The following PADI6 variants were observed in gnomAD, a reference collection of about 807,000 sequenced individuals.
The protein encoded by PADI6 is inactive protein-arginine deiminase type-6.
A neutral mutation model predicts 78.2 loss-of-function variants in PADI6; 66 were observed. The ratio of observed to expected loss-of-function variants is 0.84; its 90% CI spans 0.69 to 1.04. PADI6 has a LOEUF of 1.04. Among genes scored for constraint, PADI6 ranks in the 50% least tolerant of loss-of-function variants. PADI6 has a pLI of 0.00. For synonymous variants in PADI6, 397 were observed against 346.9 expected (o/e 1.14, Z -1.60); for missense variants, 854 against 866.1 (o/e 0.99, Z 0.18).
intron 14 of PADI6, 32 bp from the exon 15 acceptor site, chr1:17,398,651 CCCG>C: frequency 9.9e-6 from 1 of 100,850 alleles, no homozygotes; most frequent in Non-Finnish European, 1.9e-5. Context: ...TCCTTGCTCC[CCCG>C]CCCCCCCCCC....
intron 3 of PADI6, among the ~76,000 whole-genome samples, chr1:17,375,984 T>C (rs1347457121): frequency 1.3e-5 from 2 of 151,848 alleles, no homozygotes; most frequent in South Asian, 2.1e-4. Flanking sequence ...ACTTTTTTTT[T>C]CTTTTTTTTC....
At chr1:17,388,215 A>T (rs2762894) in intron 6 of PADI6, among the ~76,000 whole-genome samples, 166 bp from the exon 7 acceptor site, 1 of 152,068 alleles carries the variant, frequency 6.6e-6, no homozygotes, top group Non-Finnish European at 1.5e-5. Context: ...GTTGTCTACC[A>T]AGACCTGAAT....
intron 14 of PADI6, 116 bp from the exon 15 acceptor site, chr1:17,398,570 G>A (rs575302454): frequency 5.9e-5 from 38 of 642,712 alleles, no homozygotes; most frequent in South Asian, 2.6e-4. Flanking sequence ...AAGTGATGGG[G>A]ATGGTAGTGG....
Position 17,395,031 on chromosome 1 carries a change from C to G in PADI6, c.1418C>G (p.Ser473Ter). The change falls in exon 12 of 16, where the codon TCA becomes TGA. Residue 473 changes from serine (S) to a stop codon, truncating the protein, a stop_gained. Transcript: ENST00000619609. LOFTEE classifies it high-confidence loss of function. ...QQVQAPVELY[S>*]DWLMTGHVDE... ...GTCCAAGCGCCGGTGGAGCTCTACT[C>G]AGATTGGCTAATGACTGGCCACGTG... 6.2e-7 allele frequency: 1 copy of G among 1,613,964 alleles called. No individual in the cohort carries two copies.
At chr1:17,391,903 C>T (rs1387159439) in intron 8 of PADI6, among the ~76,000 whole-genome samples, 5 of 152,248 alleles carry the variant, frequency 3.3e-5, no homozygotes, top group Non-Finnish European at 5.9e-5. Flanking sequence ...CCTGGCTCTG[C>T]CATGGGCAAA....
At position 17,388,367 on chromosome 1, in the gene PADI6, T is replaced by C. The variant is rs1041746807; in HGVS notation, c.680-14T>C. 1.3e-6 allele frequency: 2 copies of C among 1,599,374 alleles called. No individual in the cohort carries two copies. The highest frequency in any genetic ancestry group is 1.7e-6 in the Non-Finnish European group (2 of 1,172,094). On this transcript the variant is annotated splice_polypyrimidine_tract_variant and intron_variant, in intron 6 of 15. Coordinates refer to ENST00000619609, the MANE Select transcript of PADI6 (RefSeq NM_207421.4). ...TTACTTCAGTGGCTGGTCCATCCCTTCTTTCTCTCCTAGAAGACAACTCCA... is the reference window on the plus strand; with the variant it reads ...TTACTTCAGTGGCTGGTCCATCCCTCCTTTCTCTCCTAGAAGACAACTCCA...
chr1:17,389,397 G>A (rs2075159741), intron 8 of PADI6, among the ~76,000 whole-genome samples: 1 of 152,114 alleles, frequency 6.6e-6, no homozygotes, highest in African/African-American at 2.4e-5. Context: ...TGCCACTTAG[G>A]GGCCCTGGTT....
Position 17,388,468 on chromosome 1 carries a change from C to A in PADI6, c.767C>A (p.Thr256Asn), listed in dbSNP as rs750854517. Residue 256 changes from threonine (T) to asparagine (N), a missense_variant, in exon 7 of 16, where the codon ACT becomes AAT. By Grantham distance (65) the Thr-to-Asn change is moderately conservative. Coordinates refer to ENST00000619609, the MANE Select transcript of PADI6 (RefSeq NM_207421.4). ...LALLGNHLKETFYVEAIAFPS... is the reference protein window; with the variant it reads ...LALLGNHLKENFYVEAIAFPS... ...CTCCTCGGGAACCACTTGAAGGAGACTTTCTACGTTGAAGCTATAGCATTC... is the reference window on the plus strand; with the variant it reads ...CTCCTCGGGAACCACTTGAAGGAGAATTTCTACGTTGAAGCTATAGCATTC... 11 of 1,613,704 alleles carry A rather than the reference C, an allele frequency of 6.8e-6. No homozygotes were observed. The highest frequency in any genetic ancestry group is 2.2e-5 in the East Asian group (1 of 44,886).
At chr1:17,388,010 G>A (rs1194244847) in intron 6 of PADI6, among the ~76,000 whole-genome samples, 1 of 152,204 alleles carries the variant, frequency 6.6e-6, no homozygotes, top group Non-Finnish European at 1.5e-5. Flanking sequence ...GCCTGGGACA[G>A]TTTCTCACCT....
chr1:17,398,662 C>CCCACACA (rs1553154476), intron 14 of PADI6, 24 bp from the exon 15 acceptor site: 1 of 110,468 alleles, frequency 9.1e-6, no homozygotes. Flanking sequence ...CCGCCCCCCC[C>CCCACACA]CCCACCCACC....
At chr1:17,373,494 TTTA>T (rs542029283) in intron 2 of PADI6, among the ~76,000 whole-genome samples, 24 of 118,404 alleles carry the variant, frequency 2.0e-4, no homozygotes, top group Middle Eastern at 4.7e-3. Flanking sequence ...TTTTCATTTA[TTTA>T]TTATTATTTT....
At chr1:17,397,956 G>GT (rs1212400191) in intron 14 of PADI6, among the ~76,000 whole-genome samples, 1 of 152,168 alleles carries the variant, frequency 6.6e-6, no homozygotes, top group Non-Finnish European at 1.5e-5. Flanking sequence ...TCTGGATGAA[G>GT]TGGCCCATCA....
At chr1:17,394,842 C>T in intron 11 of PADI6, 109 bp from the exon 12 acceptor site, 8 of 1,337,650 alleles carry the variant, frequency 6.0e-6, no homozygotes, top group Non-Finnish European at 8.0e-6. Context: ...CGGCCTCTTT[C>T]ACACAACGGT....
intron 2 of PADI6, among the ~76,000 whole-genome samples, chr1:17,374,744 C>G (rs188631128): frequency 1.3e-5 from 2 of 152,196 alleles, no homozygotes; most frequent in African/African-American, 2.4e-5. Flanking sequence ...GAGTGGCCAA[C>G]AAAGAACCTT....
chr1:17,377,388 TCTC>T (rs1484189484), intron 3 of PADI6, among the ~76,000 whole-genome samples: 4 of 152,272 alleles, frequency 2.6e-5, no homozygotes, highest in South Asian at 4.1e-4. Context: ...GAGGAGCTCT[TCTC>T]AGTCCTTTGT....
rs187361061 is a variant in PADI6, at chr1:17,395,790, C to T, written c.1618+127C>T. On this transcript the variant is annotated intron_variant, in intron 13 of 15. Transcript: ENST00000619609. ...GGAAGCACAGAAGCTGTTGGAATTG[C>T]CATATTAGAACGTCTTATTTCTGGG... 632 of 1,272,872 alleles carry T rather than the reference C, an allele frequency of 5.0e-4. 7 individuals carry two copies. In the African/African-American group the frequency reaches 8.0e-3, roughly 16 times the overall value. 78.8% of individuals were successfully genotyped at this position (1,272,872 alleles called of 1,614,324 possible). A position where few individuals can be genotyped will look rare whatever the true frequency, so the allele number is the denominator to read the frequency against.
intron 15 of PADI6, among the ~76,000 whole-genome samples, chr1:17,399,424 C>T (rs927190868): frequency 6.6e-6 from 1 of 151,840 alleles, no homozygotes; most frequent in East Asian, 2.0e-4. Context: ...CATGAAGAAA[C>T]CCTGTCTCTA....
intron 11 of PADI6, 128 bp from the exon 12 acceptor site, chr1:17,394,823 G>A (rs540378062): frequency 3.6e-5 from 41 of 1,142,562 alleles, no homozygotes; most frequent in Non-Finnish European, 4.3e-5. Flanking sequence ...CAACACATCC[G>A]CTATGGACCG....
chr1:17,372,462 T>C (rs1255284164), intron 1 of PADI6, 101 bp downstream of exon 1: 1 of 1,105,786 alleles, frequency 9.0e-7, no homozygotes. Flanking sequence ...TTCTCTAGCC[T>C]CACTATCCTG....
Sources: gnomAD v4.1 joint callset for allele counts (sites outside exome capture counted in the v4.1 genomes callset) on GRCh38, gnomAD v4.1.1 for gene constraint, MANE v1.5 for transcripts, NCBI Gene and HGNC (gene_info 2026-07-23, HGNC 2026-07-21) for gene names.